CDH13: variants seen among roughly 807,000 people sequenced by gnomAD.
CDH13 encodes the protein cadherin-13.
In CDH13, 24 loss-of-function variants were observed where a neutral mutation model predicts 63.8. The ratio of observed to expected loss-of-function variants is 0.38; its 90% CI spans 0.27 to 0.53. The LOEUF (loss-of-function observed/expected upper bound fraction) is 0.53, where lower values mean the gene tolerates loss of function less well. Among genes scored for constraint, CDH13 ranks in the 20% least tolerant of loss-of-function variants. The pLI is 0.85. For synonymous variants in CDH13, 503 were observed against 355.3 expected, an observed-to-expected ratio of 1.42 and a Z score of -4.67; for missense variants, 1,049 against 903.1, an observed-to-expected ratio of 1.16 and a Z score of -2.07.
chr16:82,785,848 T>G (rs1186469818), intron 1 of CDH13, among the ~76,000 whole-genome samples: 2 of 152,210 alleles, frequency 1.3e-5, no homozygotes, highest in African/African-American at 4.8e-5. Flanking sequence ...GGCAAGTTAC[T>G]TCTATATAGA....
At chr16:82,691,234 C>A (rs1915614543) in intron 1 of CDH13, among the ~76,000 whole-genome samples, 1 of 152,184 alleles carries the variant, frequency 6.6e-6, no homozygotes, top group Non-Finnish European at 1.5e-5. Flanking sequence ...AGTTACTATG[C>A]ATCAGGTACT....
chr16:83,304,883 G>T (rs932218126), intron 5 of CDH13, among the ~76,000 whole-genome samples: 1 of 152,186 alleles, frequency 6.6e-6, no homozygotes, highest in Non-Finnish European at 1.5e-5. Context: ...TCCCGTATGT[G>T]TGTGTGTAGT....
chr16:83,784,617 G>T (rs1257130152), intron 13 of CDH13, among the ~76,000 whole-genome samples: 1 of 140,156 alleles, frequency 7.1e-6, no homozygotes, highest in Admixed American at 7.5e-5. Flanking sequence ...GGGTGACAGA[G>T]CAAGGCTCTG....
chr16:82,745,384 C>A (rs374204228), intron 1 of CDH13, among the ~76,000 whole-genome samples: 4 of 152,156 alleles, frequency 2.6e-5, no homozygotes, highest in African/African-American at 9.7e-5. Flanking sequence ...ATAAAGTCAG[C>A]AGTAACAACA....
intron 2 of CDH13, among the ~76,000 whole-genome samples, chr16:82,932,598 G>C (rs944142726): frequency 2.6e-5 from 4 of 152,152 alleles, no homozygotes; most frequent in African/African-American, 9.7e-5. Context: ...TCAAGATCAG[G>C]TACATAAACT....
chr16:82,876,795 A>G (rs1320496109), intron 2 of CDH13, among the ~76,000 whole-genome samples: 1 of 152,212 alleles, frequency 6.6e-6, no homozygotes, highest in African/African-American at 2.4e-5. Context: ...TCCCTAAACT[A>G]GGGACTGTAA....
At chr16:82,715,041 C>T (rs943644515) in intron 1 of CDH13, among the ~76,000 whole-genome samples, 1 of 146,464 alleles carries the variant, frequency 6.8e-6, no homozygotes, top group Non-Finnish European at 1.5e-5. Context: ...TCCACTATGT[C>T]TAGATCCAAA....
At chr16:83,479,671 C>T (rs1000579238) in intron 6 of CDH13, among the ~76,000 whole-genome samples, 1 of 150,852 alleles carries the variant, frequency 6.6e-6, no homozygotes, top group African/African-American at 2.4e-5. Context: ...AAAAAACTTA[C>T]ATTTCTCCAT....
chr16:83,184,423 A>G (rs2038450170), intron 4 of CDH13, among the ~76,000 whole-genome samples: 2 of 152,156 alleles, frequency 1.3e-5, no homozygotes, highest in South Asian at 4.1e-4. Context: ...GGACTACCAG[A>G]GAAGAGATAT....
intron 6 of CDH13, among the ~76,000 whole-genome samples, chr16:83,480,939 G>A (rs1288775817): frequency 3.3e-5 from 5 of 152,170 alleles, no homozygotes; most frequent in Non-Finnish European, 5.9e-5. Context: ...TGACACAGGG[G>A]CAAACACACA....
At chr16:82,895,873 A>G (rs1399094701) in intron 2 of CDH13, among the ~76,000 whole-genome samples, 2 of 152,184 alleles carry the variant, frequency 1.3e-5, no homozygotes, top group Non-Finnish European at 2.9e-5. Context: ...TACACATGGG[A>G]GAGCCTTGAA....
intron 5 of CDH13, among the ~76,000 whole-genome samples, chr16:83,250,642 T>C (rs914796737): frequency 6.6e-6 from 1 of 152,094 alleles, no homozygotes; most frequent in African/African-American, 2.4e-5. Context: ...AGAGAGTTGG[T>C]CGTGGTGGTA....
At chr16:82,951,348 G>T (rs754407288) in intron 2 of CDH13, among the ~76,000 whole-genome samples, 2 of 152,144 alleles carry the variant, frequency 1.3e-5, no homozygotes, top group East Asian at 1.9e-4. Flanking sequence ...GTTGATATCT[G>T]CTTCCTATAA....
chr16:83,314,842 G>C (rs766301520), intron 5 of CDH13, among the ~76,000 whole-genome samples: 5 of 152,202 alleles, frequency 3.3e-5, no homozygotes, highest in Non-Finnish European at 5.9e-5. Context: ...TGTGAAACAG[G>C]TTTTATGCAC....
intron 6 of CDH13, among the ~76,000 whole-genome samples, chr16:83,419,652 T>C (rs896638551): frequency 2.6e-5 from 4 of 152,222 alleles, no homozygotes; most frequent in Admixed American, 2.6e-4. Context: ...ACACCATTCT[T>C]GATCAGCTGC....
At chr16:83,249,673 G>A (rs1375164953) in intron 5 of CDH13, among the ~76,000 whole-genome samples, 3 of 152,174 alleles carry the variant, frequency 2.0e-5, no homozygotes, top group Admixed American at 6.5e-5. Context: ...AACCTGGCTG[G>A]GGGTATTTTT....
intron 5 of CDH13, among the ~76,000 whole-genome samples, chr16:83,344,182 C>G (rs186597904): frequency 5.3e-5 from 8 of 152,342 alleles, no homozygotes; most frequent in African/African-American, 1.9e-4. Flanking sequence ...CCCCGTGATT[C>G]ACTGGAAATG....
chr16:83,009,432 T>C (rs1036577304), intron 2 of CDH13, among the ~76,000 whole-genome samples: 4 of 152,220 alleles, frequency 2.6e-5, no homozygotes, highest in Admixed American at 6.5e-5. Context: ...TGTAGGTGTC[T>C]TTCTATGTAA....
chr16:82,793,579 C>T (rs554994102), intron 1 of CDH13, among the ~76,000 whole-genome samples: 1 of 152,078 alleles, frequency 6.6e-6, no homozygotes. Flanking sequence ...TTGGTGAACC[C>T]CTGCTGGGCC....
Sources: allele counts gnomAD v4.1 joint callset (sites outside exome capture counted in the v4.1 genomes callset), GRCh38; gene constraint gnomAD v4.1.1; transcripts MANE v1.5; gene names NCBI Gene and HGNC (gene_info 2026-07-23, HGNC 2026-07-21).